The following FARS2 variants were observed in gnomAD, a reference collection of about 807,000 sequenced individuals.
FARS2 encodes the protein phenylalanyl-tRNA synthetase 2, mitochondrial, also known as phenylalanine--tRNA ligase, mitochondrial.
A neutral mutation model predicts 46.4 loss-of-function variants in FARS2; 40 were observed. The ratio of observed to expected loss-of-function variants is 0.86; its 90% CI spans 0.67 to 1.12. FARS2 has a LOEUF of 1.12. Ranked by LOEUF, FARS2 falls within the 50% of genes most tolerant of loss-of-function variation. The pLI is 0.00. For missense variants in FARS2, 513 were observed against 567.9 expected (o/e 0.90, Z 0.98); for synonymous variants, 234 against 214.9 (o/e 1.09, Z -0.78).
At chr6:5,500,312 G>A (rs1767713797) in intron 4 of FARS2, among the ~76,000 whole-genome samples, 1 of 152,246 alleles carries the variant, frequency 6.6e-6, no homozygotes, top group African/African-American at 2.4e-5. Flanking sequence ...AAAGGCTGCT[G>A]TGGAGGCTGG....
chr6:5,259,625 A>AG (rs1764870777), upstream of FARS2, among the ~76,000 whole-genome samples: 1 of 152,248 alleles, frequency 6.6e-6, no homozygotes, highest in South Asian at 2.1e-4. Context: ...CACGTGCTGG[A>AG]GGGGGGCCTA....
In FARS2 at chr6:5,432,545, A is replaced by T. The variant is rs148050988; in HGVS notation, c.904+1373A>T. Among the ~76,000 whole-genome samples, 460 of 134,420 alleles carry T rather than the reference A, an allele frequency of 3.4e-3. 7 individuals are homozygous for T. The highest frequency in any genetic ancestry group is 0.016 in the East Asian group (76 of 4,778). 88.2% of individuals were successfully genotyped at this position (134,420 alleles called of 152,430 possible). A position where few individuals can be genotyped will look rare whatever the true frequency, so the allele number is the denominator to read the frequency against. ...TATATATATTTTTTTTTTTCAGAGT[A>T]TAAATCCTCCAAAAAAAAAAGGGAA... On this transcript the variant is annotated intron_variant, in intron 4 of 6. Transcript: ENST00000274680.
At chr6:5,728,474 A>G (rs1561825013) in intron 6 of FARS2, among the ~76,000 whole-genome samples, 2 of 152,158 alleles carry the variant, frequency 1.3e-5, no homozygotes, top group Admixed American at 6.5e-5. Flanking sequence ...GGTATAGGGA[A>G]TAATTCTACT....
chr6:5,648,450 C>T (rs1777184221), intron 6 of FARS2, among the ~76,000 whole-genome samples: 2 of 152,182 alleles, frequency 1.3e-5, no homozygotes, highest in South Asian at 2.1e-4. Flanking sequence ...TCAGGGTTCT[C>T]TGCATCCTGA....
chr6:5,260,601 C>CCGGGCCCGGG, upstream of FARS2: 1 of 1,202,676 alleles, frequency 8.3e-7, no homozygotes, highest in Non-Finnish European at 1.2e-6. Context: ...CCCCCGGTCC[C>CCGGGCCCGGG]CGGCCCCTGG....
chr6:5,672,077 T>C (rs1406406699), intron 6 of FARS2, among the ~76,000 whole-genome samples: 1 of 152,138 alleles, frequency 6.6e-6, no homozygotes, highest in Non-Finnish European at 1.5e-5. Flanking sequence ...CAGAGAAGGA[T>C]GAGTAGATGA....
At chr6:5,601,524 CAAA>C (rs70975920) in intron 5 of FARS2, among the ~76,000 whole-genome samples, 4 of 92,164 alleles carry the variant, frequency 4.3e-5, no homozygotes, top group African/African-American at 2.0e-4. Context: ...AACTCCATCA[CAAA>C]AAAAAAAAAA....
At chr6:5,625,048 T>G (rs1454119823) in intron 6 of FARS2, among the ~76,000 whole-genome samples, 2 of 152,182 alleles carry the variant, frequency 1.3e-5, no homozygotes, top group African/African-American at 2.4e-5. Context: ...CAGCCTTGAA[T>G]GTACCATAGC....
chr6:5,734,886 C>A (rs1205357813), intron 6 of FARS2, among the ~76,000 whole-genome samples: 1 of 152,166 alleles, frequency 6.6e-6, no homozygotes, highest in Non-Finnish European at 1.5e-5. Flanking sequence ...GTGTCTGTCA[C>A]ACAGATAGAA....
intron 5 of FARS2, chr6:5,609,206 C>A (rs9378973): frequency 0.12 from 136,263 of 1,176,016 alleles, 12,557 homozygotes; most frequent in East Asian, 0.51. Flanking sequence ...CTCTCCTCTC[C>A]GGCTAAGCTT....
At chr6:5,664,864 G>C (rs1030534962) in intron 6 of FARS2, 4 of 152,148 alleles carry the variant, frequency 2.6e-5, no homozygotes, top group African/African-American at 9.7e-5. Flanking sequence ...TTCTTAACTT[G>C]TTCACAAAGA....
intron 2 of FARS2, among the ~76,000 whole-genome samples, chr6:5,397,672 A>G (rs985008359): frequency 1.3e-5 from 2 of 152,240 alleles, no homozygotes; most frequent in African/African-American, 4.8e-5. Context: ...TAGAACATGT[A>G]AAATTGAAAA....
intron 6 of FARS2, among the ~76,000 whole-genome samples, chr6:5,688,205 C>A (rs1757404065): frequency 6.6e-6 from 1 of 152,178 alleles, no homozygotes; most frequent in African/African-American, 2.4e-5. Flanking sequence ...CTTCTCCTGC[C>A]TGATTGCCCT....
intron 6 of FARS2, among the ~76,000 whole-genome samples, chr6:5,664,825 G>A (rs1003822438): frequency 4.6e-5 from 7 of 152,116 alleles, no homozygotes; most frequent in African/African-American, 1.2e-4. Context: ...GCAGCTGGAC[G>A]GAGAAGAGAT....
At chr6:5,744,822 T>C (rs1272105177) in intron 6 of FARS2, among the ~76,000 whole-genome samples, 3 of 152,196 alleles carry the variant, frequency 2.0e-5, no homozygotes, top group Non-Finnish European at 2.9e-5. Context: ...TTTTTATGGC[T>C]AGATATAACA....
chr6:5,266,770 ATAT>A (rs1765576775), intron 1 of FARS2, among the ~76,000 whole-genome samples: 1 of 152,344 alleles, frequency 6.6e-6, no homozygotes, highest in Non-Finnish European at 1.5e-5. Context: ...TGTATTGGAA[ATAT>A]TATAAATATT....
intron 6 of FARS2, among the ~76,000 whole-genome samples, chr6:5,750,378 C>A (rs1389800431): frequency 6.6e-6 from 1 of 152,170 alleles, no homozygotes; most frequent in Non-Finnish European, 1.5e-5. Context: ...GATGCACAAA[C>A]CGGCCTTCAG....
At chr6:5,614,433 G>A (rs140366599) in intron 6 of FARS2, among the ~76,000 whole-genome samples, 1,719 of 140,984 alleles carry the variant, frequency 0.012, 24 homozygotes, top group Non-Finnish European at 0.018. Context: ...TTTTTGAGAC[G>A]GAGTCTCGCT....
At chr6:5,536,115 G>A (rs1020471209) in intron 4 of FARS2, among the ~76,000 whole-genome samples, 5 of 148,878 alleles carry the variant, frequency 3.4e-5, no homozygotes, top group Admixed American at 1.3e-4. Flanking sequence ...ACAGTGGCGC[G>A]ATCTTGGCTC....
Sources: allele counts gnomAD v4.1 joint callset (sites outside exome capture counted in the v4.1 genomes callset), GRCh38; gene constraint gnomAD v4.1.1; transcripts MANE v1.5; gene names NCBI Gene and HGNC (gene_info 2026-07-23, HGNC 2026-07-21).